CFAP77: variants seen among roughly 807,000 people sequenced by gnomAD.
The protein encoded by CFAP77 is cilia and flagella associated protein 77, also known as cilia- and flagella-associated protein 77.
A neutral mutation model predicts 31.1 loss-of-function variants in CFAP77; 25 were observed. The observed-to-expected ratio is 0.80, with a 90% CI of 0.59 to 1.12. The LOEUF (loss-of-function observed/expected upper bound fraction) is 1.12, where lower values mean the gene tolerates loss of function less well. CFAP77 is among the 50% of genes most tolerant of loss of function. The pLI is 0.00. For missense variants in CFAP77, 377 were observed against 397.3 expected, an observed-to-expected ratio of 0.95 and a Z score of 0.44; for synonymous variants, 151 against 159.9, an observed-to-expected ratio of 0.94 and a Z score of 0.42.
intron 1 of CFAP77, among the ~76,000 whole-genome samples, chr9:132,433,778 C>T (rs761982747): frequency 1.3e-5 from 2 of 151,820 alleles, no homozygotes; most frequent in African/African-American, 2.4e-5. Context: ...GAACTCCTGA[C>T]CTCAGGTGAT....
In CFAP77 at chr9:132,543,033, C is replaced by T. The variant is rs920750392; in HGVS notation, c.718C>T (p.Pro240Ser). 3 of 1,614,062 alleles carry T rather than the reference C, an allele frequency of 1.9e-6. No homozygotes were observed. The highest frequency in any genetic ancestry group is 1.7e-5 in the Admixed American group (1 of 60,024). The change falls in exon 5 of 6, where the codon CCT becomes TCT. Residue 240 changes from proline to serine, a missense_variant. Physicochemically the swap from Pro to Ser is moderately conservative, Grantham distance 74. Transcript: ENST00000393216. ...GAAGCTGGACACCCTCTGGCACATGCCTCACTTCCAGAAGGTCAGTGTCAC... is the reference window on the plus strand; with the variant it reads ...GAAGCTGGACACCCTCTGGCACATGTCTCACTTCCAGAAGGTCAGTGTCAC... The part of the protein sequence containing the change: ...PVKLDTLWHM[P>S]HFQKVGRHLD...
At chr9:132,542,689 A>G (rs1044640529) in intron 4 of CFAP77, among the ~76,000 whole-genome samples, 3 of 152,174 alleles carry the variant, frequency 2.0e-5, no homozygotes, top group Non-Finnish European at 2.9e-5. Context: ...GGAATCCCAC[A>G]TGTTCCAGAG....
At chr9:132,556,663 C>T (rs551103403) in intron 5 of CFAP77, among the ~76,000 whole-genome samples, 1 of 152,184 alleles carries the variant, frequency 6.6e-6, no homozygotes, top group Non-Finnish European at 1.5e-5. Flanking sequence ...CCTGGCCCCG[C>T]GGTGCACCGC....
intron 1 of CFAP77, among the ~76,000 whole-genome samples, chr9:132,416,783 G>A (rs936333204): frequency 4.6e-5 from 7 of 151,546 alleles, no homozygotes; most frequent in African/African-American, 9.7e-5. Context: ...AATTACAGGC[G>A]TACACCACCA....
At position 132,473,173 on chromosome 9, in the gene CFAP77, G is replaced by A. The variant is rs140868307; in HGVS notation, c.196-25522G>A. On this transcript the variant is annotated intron_variant, in intron 1 of 5. Coordinates refer to ENST00000393216, the MANE Select transcript of CFAP77 (RefSeq NM_001282957.2). Reference sequence around the variant, plus strand: ...CAAGAAACTAACAGAGTGAGAACTCGTTCACCCCTAAGGGACGCATTAATC... The same window carrying A: ...CAAGAAACTAACAGAGTGAGAACTCATTCACCCCTAAGGGACGCATTAATC... Among the ~76,000 whole-genome samples the A allele has an allele frequency of 3.4e-3, 515 of 152,198 alleles. 7 individuals carry two copies. The highest frequency in any genetic ancestry group is 0.012 in the African/African-American group (495 of 41,498).
chr9:132,482,548 G>A (rs1281319871), intron 1 of CFAP77: 5 of 695,678 alleles, frequency 7.2e-6, no homozygotes, highest in East Asian at 2.7e-5. Context: ...TCGTCTAAAT[G>A]TTGTCATTAC....
chr9:132,440,988 C>T (rs755501230), intron 1 of CFAP77, among the ~76,000 whole-genome samples: 28 of 152,170 alleles, frequency 1.8e-4, no homozygotes, highest in Non-Finnish European at 3.5e-4. Context: ...ACAGTCTAGC[C>T]TCCTTGATTT....
chr9:132,555,331 C>T (rs1852884719), intron 5 of CFAP77, among the ~76,000 whole-genome samples: 1 of 152,208 alleles, frequency 6.6e-6, no homozygotes, highest in Admixed American at 6.5e-5. Context: ...GCAGTACACT[C>T]CACCCCGATG....
intron 3 of CFAP77, among the ~76,000 whole-genome samples, chr9:132,518,069 C>T (rs1852180139): frequency 6.6e-6 from 1 of 152,062 alleles, no homozygotes; most frequent in South Asian, 2.1e-4. Context: ...AATAATTTGT[C>T]GAAGCTCTTA....
intron 5 of CFAP77, among the ~76,000 whole-genome samples, chr9:132,567,486 G>A (rs1829898895): frequency 6.6e-6 from 1 of 152,208 alleles, no homozygotes; most frequent in Non-Finnish European, 1.5e-5. Context: ...CAATCCTCCA[G>A]CCACCTTCTT....
chr9:132,500,906 G>A (rs548511767), intron 3 of CFAP77, among the ~76,000 whole-genome samples: 19 of 152,322 alleles, frequency 1.2e-4, no homozygotes, highest in South Asian at 8.3e-4. Context: ...AGAGCCATGC[G>A]TCCCATCCAG....
rs1353902381 is a variant in CFAP77, at chr9:132,455,566, C to T, written c.196-43129C>T. Among the ~76,000 whole-genome samples the T allele has an allele frequency of 6.6e-6, 1 of 151,332 alleles. No homozygotes were observed. Among genetic ancestry groups the T allele is most frequent in the East Asian group, 1.9e-4 (1 of 5,138 alleles). ...GCAACATGGCGAGACCCTATCTCTA[C>T]TAAAAATACAAAAAAATAGCTCTGT... On this transcript the variant is annotated intron_variant, in intron 1 of 5. Coordinates refer to ENST00000393216, the MANE Select transcript of CFAP77 (RefSeq NM_001282957.2). This position sits in a 1 kb window ranked among gnomAD's most constrained non-coding sequence, Gnocchi z 4.1.
In CFAP77 at chr9:132,481,270, T is replaced by G. The variant is rs1316930342; in HGVS notation, c.196-17425T>G. On this transcript the variant is annotated intron_variant, in intron 1 of 5. Coordinates refer to ENST00000393216, the MANE Select transcript of CFAP77 (RefSeq NM_001282957.2). This position sits in a 1 kb window ranked among gnomAD's most constrained non-coding sequence, Gnocchi z 5.0. Reference sequence around the variant, plus strand: ...TGTCTCCCCCAGAGCGGCCTCACCCTCCTCCTTCCTGGATGGTGGCCCCTC... The same window carrying G: ...TGTCTCCCCCAGAGCGGCCTCACCCGCCTCCTTCCTGGATGGTGGCCCCTC... Among the ~76,000 whole-genome samples, 4 of 151,992 alleles carry G rather than the reference T, an allele frequency of 2.6e-5. No homozygotes were observed. The highest frequency in any genetic ancestry group is 5.9e-5 in the Non-Finnish European group (4 of 67,986).
chr9:132,507,577 A>T (rs892171673), intron 3 of CFAP77, among the ~76,000 whole-genome samples: 1 of 152,176 alleles, frequency 6.6e-6, no homozygotes, highest in Non-Finnish European at 1.5e-5. Flanking sequence ...TTGCTGCCTG[A>T]CAGGTTTTTT....
At position 132,572,879 on chromosome 9, in the gene CFAP77, A is replaced by G; in HGVS notation, c.*369A>G. 4.1e-6 allele frequency: 1 copy of G among 246,490 alleles called. No individual in the cohort carries two copies. Among genetic ancestry groups the G allele is most frequent in the Non-Finnish European group, 7.7e-6 (1 of 129,140 alleles). The allele number at this position is 246,490 out of a possible 1,614,324, so 15.3% of individuals were successfully genotyped here. ...TCCATGGCTCTGCCCATTAAGTGTT[A>G]AGAACGACCTGTGTATTTGCTGCAG... On this transcript the variant is annotated 3_prime_UTR_variant, in exon 6 of 6. Coordinates refer to ENST00000393216, the MANE Select transcript of CFAP77 (RefSeq NM_001282957.2).
chr9:132,500,714 C>T (rs575285861), intron 3 of CFAP77, among the ~76,000 whole-genome samples: 132 of 152,320 alleles, frequency 8.7e-4, no homozygotes, highest in African/African-American at 3.0e-3. Flanking sequence ...TGAGAAATGA[C>T]TGCCTGGTGG....
chr9:132,563,002 T>C (rs114510132), intron 5 of CFAP77, among the ~76,000 whole-genome samples: 3,105 of 150,772 alleles, frequency 0.021, 40 homozygotes, highest in Non-Finnish European at 0.032. Flanking sequence ...CTGGCCGCAA[T>C]TGGGGTTTTT....
At chr9:132,537,072 T>C (rs1852555803) in intron 3 of CFAP77, among the ~76,000 whole-genome samples, 1 of 152,098 alleles carries the variant, frequency 6.6e-6, no homozygotes, top group African/African-American at 2.4e-5. Flanking sequence ...CTGAGTTCAG[T>C]TCCAGATACA....
At chr9:132,553,420 A>T (rs1852851711) in intron 5 of CFAP77, among the ~76,000 whole-genome samples, 1 of 152,170 alleles carries the variant, frequency 6.6e-6, no homozygotes, top group Non-Finnish European at 1.5e-5. Flanking sequence ...TGGGCAACTA[A>T]GTGAGACTCT....
Sources: gnomAD v4.1 joint callset for allele counts (sites outside exome capture counted in the v4.1 genomes callset) on GRCh38, gnomAD v4.1.1 for gene constraint, Gnocchi (gnomAD v3.1) non-coding constraint, MANE v1.5 for transcripts, NCBI Gene and HGNC (gene_info 2026-07-23, HGNC 2026-07-21) for gene names.